CRISP2: variants seen among roughly 807,000 people sequenced by gnomAD.
The protein encoded by CRISP2 is cysteine-rich secretory protein 2.
A neutral mutation model predicts 31.7 loss-of-function variants in CRISP2; 29 were observed. The observed-to-expected ratio is 0.92, with a 90% CI of 0.68 to 1.25. CRISP2 has a LOEUF of 1.25. CRISP2 is among the 50% of genes most tolerant of loss of function. CRISP2 has a pLI of 0.00. For synonymous variants in CRISP2, 111 were observed against 101.4 expected, an observed-to-expected ratio of 1.09 and a Z score of -0.57; for missense variants, 318 against 286.5, an observed-to-expected ratio of 1.11 and a Z score of -0.79.
chr6:49,690,382 A>G (rs908551640), downstream of CRISP2, among the ~76,000 whole-genome samples: 1 of 152,146 alleles, frequency 6.6e-6, no homozygotes, highest in Non-Finnish European at 1.5e-5. Context: ...TTTCATATGA[A>G]ACATTTGACT....
intron 4 of CRISP2, among the ~76,000 whole-genome samples, chr6:49,701,607 ACG>A (rs1765761044): frequency 6.5e-5 from 4 of 61,576 alleles, no homozygotes; most frequent in African/African-American, 2.2e-4. Context: ...ACACACACAC[ACG>A]GTATATATAT....
At chr6:49,680,933 A>G in the CRISP2 span, among the ~76,000 whole-genome samples, 138 of 152,318 alleles carry the variant, frequency 9.1e-4, no homozygotes, top group Admixed American at 1.4e-3. Context: ...ATTGTCACCC[A>G]TTATGTAGGT....
chr6:49,702,617 T>A (rs979483130), intron 4 of CRISP2, among the ~76,000 whole-genome samples: 3 of 152,092 alleles, frequency 2.0e-5, no homozygotes, highest in African/African-American at 7.2e-5. Flanking sequence ...TTTTGAGAAT[T>A]GTCTACTCAT....
At chr6:49,710,556 A>G (rs954391481) in intron 3 of CRISP2, among the ~76,000 whole-genome samples, 3 of 152,310 alleles carry the variant, frequency 2.0e-5, no homozygotes, top group African/African-American at 7.2e-5. Flanking sequence ...ATAACTGTAT[A>G]TGTTAATAGT....
At chr6:49,710,285 C>T (rs1767788076) in intron 3 of CRISP2, among the ~76,000 whole-genome samples, 1 of 152,114 alleles carries the variant, frequency 6.6e-6, no homozygotes, top group Non-Finnish European at 1.5e-5. Context: ...CAATTTCACT[C>T]CCATACCTTA....
At chr6:49,689,033 G>A (rs752969579), downstream of CRISP2, among the ~76,000 whole-genome samples, 2 of 151,852 alleles carry the variant, frequency 1.3e-5, no homozygotes, top group Non-Finnish European at 2.9e-5. Context: ...CATGACGTCC[G>A]GCAAATTTTT....
chr6:49,712,483 T>A lies in CRISP2; in HGVS notation c.-47+18A>T, dbSNP rs575853742. On this transcript the variant is annotated intron_variant, in intron 2 of 9. Coordinates refer to ENST00000339139, the MANE Select transcript of CRISP2 (RefSeq NM_003296.4). ...ATAGTTGAAAAGTTGGCTACCATTTTTTTTCTTTGCTACTTACTAATGGTG... is the reference window on the plus strand; with the variant it reads ...ATAGTTGAAAAGTTGGCTACCATTTATTTTCTTTGCTACTTACTAATGGTG... 2.0e-5 allele frequency: 3 copies of A among 152,232 alleles called. No individual in the cohort carries two copies. The highest frequency in any genetic ancestry group is 3.4e-3 in the Middle Eastern group (1 of 294). The allele number at this position is 152,232 out of a possible 1,614,324, so 9.4% of individuals were successfully genotyped here. A position where few individuals can be genotyped will look rare whatever the true frequency, so the allele number is the denominator to read the frequency against.
At chr6:49,701,755 T>A (rs1175120527) in intron 4 of CRISP2, among the ~76,000 whole-genome samples, 1 of 106,660 alleles carries the variant, frequency 9.4e-6, no homozygotes, top group Non-Finnish European at 1.8e-5. Context: ...ATATATATAA[T>A]GTATACATTA....
In CRISP2 at chr6:49,698,375, C is replaced by A. The variant is rs141421430; in HGVS notation, c.404G>T (p.Gly135Val). The A allele has an allele frequency of 1.2e-6, 2 of 1,612,984 alleles. No homozygotes were observed. ...VGPKSPNAVV[G>V]HYTQLVWYST... ...CATTCTTCTTACCTGAGTATAATGT[C>A]CAACAACTGCATTGGGACTCTTTGG... The change falls in exon 7 of 10, where the codon GGA becomes GTA. Residue 135 changes from glycine (G) to valine (V), a missense_variant. Coordinates refer to ENST00000339139, the MANE Select transcript of CRISP2 (RefSeq NM_003296.4).
At chr6:49,690,333 A>T (rs574894695), downstream of CRISP2, among the ~76,000 whole-genome samples, 2 of 152,234 alleles carry the variant, frequency 1.3e-5, no homozygotes, top group African/African-American at 4.8e-5. Context: ...CATGAAAGAA[A>T]CCCAAACAAA....
chr6:49,696,061 A>G (rs983044568), intron 8 of CRISP2, 137 bp from the exon 9 acceptor site: 89 of 541,468 alleles, frequency 1.6e-4, no homozygotes, highest in Admixed American at 4.9e-4. Context: ...ACAATTCCCA[A>G]TGTGTATTTC....
At chr6:49,694,303 G>A (rs1267974530) in intron 9 of CRISP2, among the ~76,000 whole-genome samples, 2 of 152,192 alleles carry the variant, frequency 1.3e-5, no homozygotes, top group South Asian at 2.1e-4. Flanking sequence ...GCCAGCAGCT[G>A]TTATGACTTT....
chr6:49,699,365 T>G (rs1030632254), intron 6 of CRISP2, among the ~76,000 whole-genome samples: 1 of 152,034 alleles, frequency 6.6e-6, no homozygotes, highest in Non-Finnish European at 1.5e-5. Context: ...TTCAATATAT[T>G]TTATGGATAC....
intron 9 of CRISP2, among the ~76,000 whole-genome samples, chr6:49,695,140 C>A (rs1764535556): frequency 6.6e-6 from 1 of 152,006 alleles, no homozygotes; most frequent in Non-Finnish European, 1.5e-5. Context: ...AAAAGTATCC[C>A]AACTACAGAA....
chr6:49,695,907 C>A lies in CRISP2; in HGVS notation c.533G>T (p.Arg178Ile). 6.2e-7 allele frequency: 1 copy of A among 1,611,598 alleles called. No homozygotes were observed. Among genetic ancestry groups the A allele is most frequent in the Non-Finnish European group, 8.5e-7 (1 of 1,178,632 alleles). ...QYCPAGNNMNRKNTPYQQGTP... is the reference protein window; with the variant it reads ...QYCPAGNNMNIKNTPYQQGTP... ...TCCTTGTTGGTACGGGGTATTCTTT[C>A]TATTCATATTATTACCACTGAAATT... The change falls in exon 9 of 10, where the codon AGA (arginine) becomes ATA (isoleucine). Residue 178 changes from arginine (R) to isoleucine (I), a missense_variant. Arg to Ile is a moderately conservative substitution (Grantham distance 97). Coordinates refer to ENST00000339139, the MANE Select transcript of CRISP2 (RefSeq NM_003296.4).
intron 9 of CRISP2, among the ~76,000 whole-genome samples, chr6:49,693,390 T>A (rs772865316): frequency 2.0e-5 from 3 of 152,232 alleles, no homozygotes; most frequent in Non-Finnish European, 4.4e-5. Context: ...AGAGACTCTT[T>A]CCATCATATC....
downstream of CRISP2, among the ~76,000 whole-genome samples, chr6:49,688,539 A>C (rs802071): frequency 0.076 from 11,628 of 152,176 alleles, 860 homozygotes; most frequent in African/African-American, 0.19. Context: ...GGTACAGGCC[A>C]AAAAGCCATT....
chr6:49,702,141 A>G (rs1766127577), intron 4 of CRISP2, among the ~76,000 whole-genome samples: 2 of 126 alleles, frequency 0.016, no homozygotes, highest in Non-Finnish European at 0.026. Flanking sequence ...TATGTGTACT[A>G]TATATATATA....
In CRISP2 at chr6:49,692,740, C is replaced by G. The variant is rs972280399; in HGVS notation, c.*33G>C. 2.5e-6 allele frequency: 4 copies of G among 1,581,560 alleles called. No homozygotes were observed. Among genetic ancestry groups the G allele is most frequent in the Non-Finnish European group, 3.5e-6 (4 of 1,157,112 alleles). On this transcript the variant is annotated 3_prime_UTR_variant, in exon 10 of 10. Coordinates refer to ENST00000339139, the MANE Select transcript of CRISP2 (RefSeq NM_003296.4). ...CGCAATTAAATGATGCAGCCCTTAT[C>G]CATGCAGTCTTGCACAATGCTCACT...
Sources: allele counts gnomAD v4.1 joint callset (sites outside exome capture counted in the v4.1 genomes callset), GRCh38; gene constraint gnomAD v4.1.1; transcripts MANE v1.5; gene names NCBI Gene and HGNC (gene_info 2026-07-23, HGNC 2026-07-21).